The following SUCLG2 variants were observed in gnomAD, a reference collection of about 807,000 sequenced individuals.
SUCLG2 encodes succinate-CoA ligase GDP-forming subunit beta, also known as succinate--CoA ligase [GDP-forming] subunit beta, mitochondrial.
SUCLG2 carries 42 observed loss-of-function variants against 47.9 expected under a neutral mutation model. The ratio of observed to expected loss-of-function variants is 0.88; its 90% CI spans 0.69 to 1.14. The LOEUF (loss-of-function observed/expected upper bound fraction) is 1.14, where lower values mean the gene tolerates loss of function less well. Among genes scored for constraint, SUCLG2 ranks in the 50% most tolerant of loss-of-function variants. SUCLG2 has a pLI of 0.00. For synonymous variants in SUCLG2, 195 were observed against 197.3 expected (o/e 0.99, Z 0.10); for missense variants, 571 against 525.9 (o/e 1.09, Z -0.84).
chr3:67,527,448 A>C (rs1263258818), intron 4 of SUCLG2, among the ~76,000 whole-genome samples: 1 of 152,196 alleles, frequency 6.6e-6, no homozygotes, highest in Non-Finnish European at 1.5e-5. Context: ...TCTGCAACCC[A>C]GGTAGCTAGT....
chr3:67,456,529 C>G (rs900378301), intron 9 of SUCLG2, among the ~76,000 whole-genome samples: 7 of 152,094 alleles, frequency 4.6e-5, no homozygotes, highest in Non-Finnish European at 1.0e-4. Flanking sequence ...GCCCTGTGAT[C>G]CATGGTATGT....
At chr3:67,499,535 A>G (rs1303346974) in intron 7 of SUCLG2, among the ~76,000 whole-genome samples, 5 of 152,142 alleles carry the variant, frequency 3.3e-5, no homozygotes, top group Admixed American at 6.5e-5. Flanking sequence ...AACTCATTCC[A>G]TAATAGGAGA....
chr3:67,641,552 T>C (rs1701100723), intron 1 of SUCLG2, among the ~76,000 whole-genome samples: 1 of 152,240 alleles, frequency 6.6e-6, no homozygotes, highest in Non-Finnish European at 1.5e-5. Flanking sequence ...GTTGTCTCAA[T>C]GCAGGGTGGT....
At chr3:67,444,623 T>C (rs796948531) in intron 9 of SUCLG2, among the ~76,000 whole-genome samples, 6 of 5,396 alleles carry the variant, frequency 1.1e-3, no homozygotes, top group Admixed American at 3.3e-3. Flanking sequence ...CCAGCCGCCC[T>C]GTCCGGGAGG....
At chr3:67,651,967 T>C (rs1369768186) in intron 1 of SUCLG2, among the ~76,000 whole-genome samples, 1 of 152,022 alleles carries the variant, frequency 6.6e-6, no homozygotes, top group Non-Finnish European at 1.5e-5. Context: ...CCACCTCCAT[T>C]AAAATAAAGT....
intron 2 of SUCLG2, among the ~76,000 whole-genome samples, chr3:67,548,634 C>T (rs1706930231): frequency 6.6e-6 from 1 of 152,120 alleles, no homozygotes; most frequent in South Asian, 2.1e-4. Flanking sequence ...TAAGTTTTAA[C>T]AAATGCATAT....
chr3:67,542,017 GC>G (rs1350083742), intron 2 of SUCLG2, among the ~76,000 whole-genome samples: 2 of 151,852 alleles, frequency 1.3e-5, no homozygotes, highest in African/African-American at 4.8e-5. Context: ...GGGATTACAG[GC>G]ATGCACCACC....
At chr3:67,448,022 C>G (rs545331940) in intron 9 of SUCLG2, among the ~76,000 whole-genome samples, 1 of 152,156 alleles carries the variant, frequency 6.6e-6, no homozygotes, top group Non-Finnish European at 1.5e-5. Flanking sequence ...ACCCACCGCA[C>G]CCGGCTGAGA....
intron 2 of SUCLG2, among the ~76,000 whole-genome samples, chr3:67,546,445 A>G (rs2107185297): frequency 6.6e-6 from 1 of 152,296 alleles, no homozygotes; most frequent in Admixed American, 6.5e-5. Flanking sequence ...CTAATGATTC[A>G]TATTTCAGGC....
chr3:67,653,100 A>C (rs1042461268), intron 1 of SUCLG2, among the ~76,000 whole-genome samples: 3 of 152,176 alleles, frequency 2.0e-5, no homozygotes, highest in Non-Finnish European at 4.4e-5. Context: ...TAGGCTTCAC[A>C]TATTTCAGCT....
chr3:67,499,223 G>A (rs1473831182), intron 7 of SUCLG2, among the ~76,000 whole-genome samples: 1 of 152,054 alleles, frequency 6.6e-6, no homozygotes, highest in Admixed American at 6.6e-5. Flanking sequence ...TTTGGTGTGG[G>A]AGAGCACTTA....
intron 2 of SUCLG2, among the ~76,000 whole-genome samples, chr3:67,605,978 T>G (rs551501314): frequency 2.0e-5 from 3 of 152,082 alleles, no homozygotes; most frequent in Non-Finnish European, 4.4e-5. Flanking sequence ...TTTGAGAGGC[T>G]GAGGCAGGAA....
intron 10 of SUCLG2, among the ~76,000 whole-genome samples, chr3:67,399,542 T>A (rs1232333431): frequency 6.6e-6 from 1 of 152,228 alleles, no homozygotes; most frequent in Non-Finnish European, 1.5e-5. Context: ...CTAGACAATG[T>A]GCACCTGCCC....
intron 9 of SUCLG2, among the ~76,000 whole-genome samples, chr3:67,436,601 G>C (rs1232218048): frequency 6.6e-6 from 1 of 152,078 alleles, no homozygotes; most frequent in East Asian, 1.9e-4. Context: ...GATTACTATA[G>C]GACTTTTACT....
At chr3:67,569,075 C>T (rs1176898842) in intron 2 of SUCLG2, among the ~76,000 whole-genome samples, 1 of 152,090 alleles carries the variant, frequency 6.6e-6, no homozygotes, top group African/African-American at 2.4e-5. Context: ...GATCCCCACC[C>T]CTATCCTAAC....
At chr3:67,624,499 T>C (rs1487861843) in intron 1 of SUCLG2, among the ~76,000 whole-genome samples, 1 of 152,232 alleles carries the variant, frequency 6.6e-6, no homozygotes, top group African/African-American at 2.4e-5. Context: ...CACAATTTCA[T>C]TGTCAAAATC....
Position 67,532,975 on chromosome 3 carries a change from G to GA in SUCLG2, c.227-3790dup, listed in dbSNP as rs200772658. ...TTCTTGGAAGCAGTAGGTCTAAAGG[G>GA]AAAAAAATCAAATCATTAAGAAAAG... is the stretch of plus-strand genomic sequence containing the variant. On this transcript the variant is annotated intron_variant, in intron 2 of 10. Coordinates refer to ENST00000307227, the MANE Select transcript of SUCLG2 (RefSeq NM_003848.4). Among the ~76,000 whole-genome samples, 675 of 152,028 alleles carry GA rather than the reference G, an allele frequency of 4.4e-3. 8 individuals carry two copies. The East Asian group carries it at 0.054, about 12-fold the overall frequency.
At chr3:67,494,839 T>C (rs943114592) in intron 9 of SUCLG2, among the ~76,000 whole-genome samples, 74 of 152,258 alleles carry the variant, frequency 4.9e-4, no homozygotes, top group African/African-American at 1.7e-3. Flanking sequence ...ATATTTAACT[T>C]CCTTACTAAA....
At chr3:67,380,408 C>T (rs1403295447) in intron 10 of SUCLG2, among the ~76,000 whole-genome samples, 1 of 152,034 alleles carries the variant, frequency 6.6e-6, no homozygotes, top group Non-Finnish European at 1.5e-5. Context: ...TCCCAGAAAA[C>T]CACAACCCTT....
Sources: allele counts gnomAD v4.1 joint callset (sites outside exome capture counted in the v4.1 genomes callset), GRCh38; gene constraint gnomAD v4.1.1; transcripts MANE v1.5; gene names NCBI Gene and HGNC (gene_info 2026-07-23, HGNC 2026-07-21).